The following MTMR10 variants were observed in gnomAD, a reference collection of about 807,000 sequenced individuals.
The protein encoded by MTMR10 is myotubularin related protein 10.
In MTMR10, 56 loss-of-function variants were observed where a neutral mutation model predicts 88.1. The ratio of observed to expected loss-of-function variants is 0.64; its 90% confidence interval spans 0.51 to 0.79. The LOEUF (loss-of-function observed/expected upper bound fraction) is 0.79, where lower values mean the gene tolerates loss of function less well. MTMR10 is among the 30% of genes least tolerant of loss of function. The pLI is 0.00. For synonymous variants in MTMR10, 380 were observed against 340.9 expected (o/e 1.11, Z -1.26); for missense variants, 883 against 924.7 (o/e 0.95, Z 0.58).
chr15:30,957,554 C>G (rs1428742428), intron 9 of MTMR10, among the ~76,000 whole-genome samples: 1 of 152,124 alleles, frequency 6.6e-6, no homozygotes, highest in Non-Finnish European at 1.5e-5. Context: ...GAAATCTTGT[C>G]TCTATTAAAA....
rs1192760680 is a variant in MTMR10 at position 30,991,575 on chromosome 15, G to C, written c.-69C>G. On this transcript the variant is annotated 5_prime_UTR_variant, in exon 1 of 16. Transcript: ENST00000435680. ...CAGCGCCGACGCCTCCGGGCGTAAA[G>C]CTCTCAGTGCGGCCGCCCAGGCCCT... 2 of 1,502,604 alleles carry C rather than the reference G, an allele frequency of 1.3e-6. No homozygotes were observed. The highest frequency in any genetic ancestry group is 1.8e-6 in the Non-Finnish European group (2 of 1,133,062). 93.1% of individuals were successfully genotyped at this position (1,502,604 alleles called of 1,614,324 possible).
intron 7 of MTMR10, among the ~76,000 whole-genome samples, chr15:30,959,831 C>CT (rs1340793969): frequency 4.6e-5 from 7 of 152,256 alleles, no homozygotes; most frequent in African/African-American, 1.7e-4. Context: ...TAAAAAGCTG[C>CT]TTATGTGCGT....
intron 14 of MTMR10, among the ~76,000 whole-genome samples, chr15:30,944,918 G>A (rs940013700): frequency 2.0e-5 from 3 of 151,376 alleles, no homozygotes; most frequent in Non-Finnish European, 2.9e-5. Context: ...TGGTTGAGGC[G>A]AGAGCAGTGC....
chr15:30,923,685 C>T, the MTMR10 span, among the ~76,000 whole-genome samples: 5 of 152,318 alleles, frequency 3.3e-5, no homozygotes, highest in Non-Finnish European at 5.9e-5. Context: ...TGCCGCTGCC[C>T]GGCACCGTCT....
Position 30,954,911 on chromosome 15 carries a change from A to G in MTMR10, c.936-18T>C. The G allele has an allele frequency of 6.5e-7, 1 of 1,529,374 alleles. No individual in the cohort carries two copies. Among genetic ancestry groups the G allele is most frequent in the African/African-American group, 1.4e-5 (1 of 72,050 alleles). The allele number at this position is 1,529,374 out of a possible 1,614,324, so 94.7% of individuals were successfully genotyped here. The stretch of plus-strand genomic sequence containing the variant: ...TACAAATCCTAATAAAGACAAAAAT[A>G]CTTTAGTCATTACTCATTCATTTCA... On this transcript the variant is annotated intron_variant, in intron 9 of 15. Transcript: ENST00000435680.
intron 2 of MTMR10, among the ~76,000 whole-genome samples, chr15:30,982,655 T>C (rs1267756530): frequency 1.3e-5 from 2 of 152,210 alleles, no homozygotes; most frequent in Non-Finnish European, 2.9e-5. Context: ...AGGGCACTTC[T>C]GAGGATATGC....
intron 2 of MTMR10, among the ~76,000 whole-genome samples, chr15:30,983,022 G>A (rs79225637): frequency 0.052 from 7,914 of 152,244 alleles, 306 homozygotes; most frequent in Admixed American, 0.13. Context: ...AGAAAACTCC[G>A]AATAAAAGCT....
chr15:30,922,088 TC>T, the MTMR10 span: 1 of 995,972 alleles, frequency 1.0e-6, no homozygotes, highest in East Asian at 2.4e-5. Flanking sequence ...AAAGTCCCTG[TC>T]CTGTCAGTTC....
At chr15:30,925,339 G>GT in the MTMR10 span, 1 of 1,556,614 alleles carries the variant, frequency 6.4e-7, no homozygotes, top group Non-Finnish European at 8.7e-7. Context: ...CGTGTACCTG[G>GT]TTTTTTTGGA....
chr15:30,930,565 G>T, the MTMR10 span: 4 of 1,603,350 alleles, frequency 2.5e-6, no homozygotes, highest in East Asian at 6.7e-5. Flanking sequence ...TGCCTGGGGG[G>T]CCCTGTGCTC....
chr15:30,932,579 AAATTT>A, the MTMR10 span, among the ~76,000 whole-genome samples: 1 of 152,176 alleles, frequency 6.6e-6, no homozygotes, highest in African/African-American at 2.4e-5. Context: ...GCTATAAATT[AAATTT>A]ATTTTTAAAC....
chr15:30,949,277 T>G (rs1200766489), intron 12 of MTMR10: 1 of 152,226 alleles, frequency 6.6e-6, no homozygotes. Context: ...GACTGGATAC[T>G]CTCTCCCTAA....
intron 9 of MTMR10, among the ~76,000 whole-genome samples, chr15:30,958,006 A>G (rs1034094607): frequency 9.9e-5 from 15 of 152,184 alleles, no homozygotes; most frequent in African/African-American, 3.1e-4. Flanking sequence ...GGAAAGAAAG[A>G]GGAAGGCATC....
At chr15:30,948,889 C>T (rs1269458727) in intron 12 of MTMR10, 1 of 170,610 alleles carries the variant, frequency 5.9e-6, no homozygotes, top group African/African-American at 2.4e-5. Context: ...GAAGCTGTGG[C>T]AAACGATTCC....
At chr15:30,977,356 T>G (rs1489340038) in intron 2 of MTMR10, among the ~76,000 whole-genome samples, 1 of 152,228 alleles carries the variant, frequency 6.6e-6, no homozygotes, top group African/African-American at 2.4e-5. Flanking sequence ...CTCAAACCAA[T>G]GCCTTTGATT....
chr15:30,946,167 G>C (rs1205690751), intron 14 of MTMR10: 1 of 152,206 alleles, frequency 6.6e-6, no homozygotes. Flanking sequence ...CATTAATTAA[G>C]TTCTCCCTCC....
At chr15:30,969,074 G>T (rs1385852374) in intron 5 of MTMR10, among the ~76,000 whole-genome samples, 2 of 152,160 alleles carry the variant, frequency 1.3e-5, no homozygotes, top group Non-Finnish European at 2.9e-5. Flanking sequence ...AGTAAGAAAA[G>T]TTAATTGTTA....
intron 14 of MTMR10, among the ~76,000 whole-genome samples, chr15:30,945,022 AAAGATGTTCTCTTTTTTAAAAGGT>A (rs1253013708): frequency 1.1e-4 from 17 of 152,132 alleles, no homozygotes; most frequent in African/African-American, 4.1e-4. Flanking sequence ...AAAAAAAAAA[AAAGATGTTCTCTTTTTTAAAAGGT>A]AAAAATTAAA....
At chr15:30,984,162 T>C (rs1211503333) in intron 2 of MTMR10, among the ~76,000 whole-genome samples, 2 of 152,140 alleles carry the variant, frequency 1.3e-5, no homozygotes, top group East Asian at 3.8e-4. Context: ...AATTACAAGG[T>C]TAAAGAATTT....
Sources: gnomAD v4.1 joint callset for allele counts (sites outside exome capture counted in the v4.1 genomes callset) on GRCh38, gnomAD v4.1.1 for gene constraint, MANE v1.5 for transcripts, NCBI Gene and HGNC (gene_info 2026-07-23, HGNC 2026-07-21) for gene names.